DGKB: variants seen among roughly 807,000 people sequenced by gnomAD.
The protein encoded by DGKB is 90 kDa diacylglycerol kinase.
DGKB carries 67 observed loss-of-function variants against 114.3 expected under a neutral mutation model. The observed-to-expected ratio is 0.59, with a 90% confidence interval of 0.48 to 0.72. The LOEUF (loss-of-function observed/expected upper bound fraction) is 0.72. Ranked by LOEUF, DGKB falls within the 30% of genes least tolerant of loss-of-function variation. The pLI is 0.00. For missense variants in DGKB, 907 were observed against 975.2 expected (o/e 0.93, Z 0.93); for synonymous variants, 398 against 323.1 (o/e 1.23, Z -2.49).
At chr7:14,462,368 G>T (rs1276597750) in intron 21 of DGKB, among the ~76,000 whole-genome samples, 1 of 152,120 alleles carries the variant, frequency 6.6e-6, no homozygotes, top group Non-Finnish European at 1.5e-5. Flanking sequence ...CATCATCTCA[G>T]CCCCAAATCT....
chr7:14,853,069 T>C (rs573130542), intron 1 of DGKB, among the ~76,000 whole-genome samples: 1 of 152,280 alleles, frequency 6.6e-6, no homozygotes, highest in East Asian at 1.9e-4. Context: ...CTTTAATCCC[T>C]GGAAAATAAT....
chr7:14,164,756 TG>T (rs1401732865), intron 25 of DGKB, among the ~76,000 whole-genome samples: 1 of 152,044 alleles, frequency 6.6e-6, no homozygotes, highest in Non-Finnish European at 1.5e-5. Context: ...TTTAACTTTT[TG>T]GGGGGGTATA....
intron 23 of DGKB, among the ~76,000 whole-genome samples, chr7:14,281,839 A>G (rs1800007929): frequency 1.4e-5 from 2 of 147,552 alleles, no homozygotes; most frequent in African/African-American, 5.0e-5. Flanking sequence ...ACATACCAGA[A>G]TCTCTGGGAC....
chr7:14,572,480 T>C (rs1281906667), intron 20 of DGKB, among the ~76,000 whole-genome samples: 1 of 150,226 alleles, frequency 6.7e-6, no homozygotes, highest in Middle Eastern at 3.2e-3. Context: ...AAGAATAAAG[T>C]ATAAAGTATA....
At chr7:14,928,970 C>T (rs1339291931) in intron 1 of DGKB, among the ~76,000 whole-genome samples, 1 of 151,082 alleles carries the variant, frequency 6.6e-6, no homozygotes, top group East Asian at 1.9e-4. Context: ...CTTGTTCCTG[C>T]AAAAGACATA....
upstream of DGKB, among the ~76,000 whole-genome samples, chr7:14,907,886 C>A (rs887122931): frequency 3.9e-5 from 6 of 152,118 alleles, no homozygotes; most frequent in African/African-American, 1.4e-4. Flanking sequence ...TCTGAGCCAC[C>A]CACAATGTGT....
At chr7:14,641,099 C>A (rs1314163590) in intron 13 of DGKB, among the ~76,000 whole-genome samples, 1 of 152,060 alleles carries the variant, frequency 6.6e-6, no homozygotes, top group Non-Finnish European at 1.5e-5. Context: ...TTTAGTTTCA[C>A]CAGTGTTTAA....
intron 1 of DGKB, among the ~76,000 whole-genome samples, chr7:14,870,074 C>A (rs1178270288): frequency 6.6e-6 from 1 of 152,120 alleles, no homozygotes; most frequent in Non-Finnish European, 1.5e-5. Context: ...AGATGCTCTT[C>A]CCTGAGTGGT....
intron 21 of DGKB, among the ~76,000 whole-genome samples, chr7:14,381,426 A>AT (rs1286061278): frequency 1.3e-5 from 2 of 152,106 alleles, no homozygotes; most frequent in African/African-American, 2.4e-5. Flanking sequence ...GGCATGTACT[A>AT]TTTTTTTAAG....
Position 14,606,599 on chromosome 7 carries a change from TAA to T in DGKB, c.1433+833_1433+834del, listed in dbSNP as rs1334962099. ...AATTTTAAATCAACTGCCTTTTTTT[TAA>T]AAAAAAAAAATGAAGCATGCATAAA... is the stretch of plus-strand genomic sequence containing the variant. On this transcript the variant is annotated intron_variant, in intron 17 of 25. Coordinates refer to ENST00000402815, the MANE Select transcript of DGKB (RefSeq NM_001350709.2). Among the ~76,000 whole-genome samples the T allele has an allele frequency of 5.4e-5, 8 of 148,516 alleles. No homozygotes were observed. In the South Asian group the frequency reaches 6.4e-4, roughly 12 times the overall value.
chr7:14,441,266 CG>C (rs1424780429), intron 21 of DGKB, among the ~76,000 whole-genome samples: 1 of 152,094 alleles, frequency 6.6e-6, no homozygotes, highest in African/African-American at 2.4e-5. Context: ...CTCAGCCTCC[CG>C]AAGTGCTGGG....
At chr7:14,427,474 G>A (rs1827754575) in intron 21 of DGKB, among the ~76,000 whole-genome samples, 1 of 152,142 alleles carries the variant, frequency 6.6e-6, no homozygotes, top group South Asian at 2.1e-4. Context: ...TTCCAAAGTT[G>A]CTTCCACATT....
intron 13 of DGKB, among the ~76,000 whole-genome samples, chr7:14,649,960 T>C (rs1156362482): frequency 1.2e-4 from 18 of 148,320 alleles, no homozygotes; most frequent in East Asian, 2.0e-4. Context: ...CCTAAATATA[T>C]ATGCACCCAA....
intron 21 of DGKB, among the ~76,000 whole-genome samples, chr7:14,401,348 A>G (rs1054670812): frequency 2.6e-5 from 4 of 151,952 alleles, no homozygotes; most frequent in African/African-American, 9.7e-5. Flanking sequence ...CTGAGAAAGC[A>G]TATCTGTGAT....
At chr7:14,302,049 G>A (rs1803658295) in intron 23 of DGKB, among the ~76,000 whole-genome samples, 1 of 152,000 alleles carries the variant, frequency 6.6e-6, no homozygotes, top group African/African-American at 2.4e-5. Flanking sequence ...CAAGGACGAT[G>A]AACAAACCAA....
chr7:14,587,587 AG>A (rs1248877917), intron 17 of DGKB, among the ~76,000 whole-genome samples: 1 of 152,132 alleles, frequency 6.6e-6, no homozygotes, highest in Non-Finnish European at 1.5e-5. Flanking sequence ...CACATGCTAG[AG>A]AGAAATCTTT....
intron 23 of DGKB, among the ~76,000 whole-genome samples, chr7:14,270,670 A>C (rs1798145138): frequency 6.6e-6 from 1 of 152,246 alleles, no homozygotes; most frequent in Non-Finnish European, 1.5e-5. Context: ...ATCTTAAGAA[A>C]ACATATACAT....
At chr7:14,856,948 C>G (rs1309372685) in intron 1 of DGKB, among the ~76,000 whole-genome samples, 1 of 152,084 alleles carries the variant, frequency 6.6e-6, no homozygotes, top group Non-Finnish European at 1.5e-5. Flanking sequence ...CTAACCTCAG[C>G]TCCCCTCCCC....
At chr7:14,250,163 T>C (rs984942221) in intron 23 of DGKB, among the ~76,000 whole-genome samples, 8 of 150,528 alleles carry the variant, frequency 5.3e-5, no homozygotes, top group Non-Finnish European at 1.0e-4. Context: ...GAAATGCGGT[T>C]TCACCATGTT....
Sources: allele counts gnomAD v4.1 joint callset (sites outside exome capture counted in the v4.1 genomes callset), GRCh38; gene constraint gnomAD v4.1.1; transcripts MANE v1.5; gene names NCBI Gene and HGNC (gene_info 2026-07-23, HGNC 2026-07-21).